DPH6: variants seen among roughly 807,000 people sequenced by gnomAD.
DPH6 encodes the protein diphthamine biosynthesis 6.
A neutral mutation model predicts 38.2 loss-of-function variants in DPH6; 33 were observed. The ratio of observed to expected loss-of-function variants is 0.86; its 90% confidence interval spans 0.65 to 1.15. The LOEUF (loss-of-function observed/expected upper bound fraction) is 1.15. DPH6 is among the 50% of genes most tolerant of loss of function. DPH6 has a pLI of 0.00. For synonymous variants in DPH6, 108 were observed against 103.0 expected (o/e 1.05, Z -0.30); for missense variants, 325 against 320.0 (o/e 1.02, Z -0.12).
At chr15:35,397,124 T>G (rs2053144217) in intron 6 of DPH6, among the ~76,000 whole-genome samples, 1 of 152,206 alleles carries the variant, frequency 6.6e-6, no homozygotes, top group Non-Finnish European at 1.5e-5. Flanking sequence ...TAAAAATGAA[T>G]ACATGCCCTA....
At chr15:35,361,577 A>T (rs2052615087) in intron 3 of DPH6, among the ~76,000 whole-genome samples, 1 of 150,016 alleles carries the variant, frequency 6.7e-6, no homozygotes, top group South Asian at 2.1e-4. Context: ...CTGCTTGATC[A>T]TGTCCCATAA....
the DPH6 span, among the ~76,000 whole-genome samples, chr15:35,212,288 T>C: frequency 6.6e-6 from 1 of 152,162 alleles, no homozygotes; most frequent in Non-Finnish European, 1.5e-5. Flanking sequence ...TGGAAGAGTT[T>C]AGAATGAAAA....
chr15:35,247,585 T>C (rs544434864), intron 3 of DPH6, among the ~76,000 whole-genome samples: 1 of 152,304 alleles, frequency 6.6e-6, no homozygotes, highest in Admixed American at 6.5e-5. Context: ...ACTTCAAGAC[T>C]AGAGAAGACC....
intron 3 of DPH6, among the ~76,000 whole-genome samples, chr15:35,307,395 A>G (rs1281928955): frequency 6.6e-6 from 1 of 152,208 alleles, no homozygotes; most frequent in Non-Finnish European, 1.5e-5. Flanking sequence ...GAATGCTATA[A>G]AAGCAAAACA....
At position 35,496,555 on chromosome 15, in the gene DPH6, C is replaced by CAAAAAAAA. The variant is rs1180094812; in HGVS notation, c.312+41711_312+41718dup. 9.3e-4 allele frequency among the ~76,000 whole-genome samples: 46 copies of CAAAAAAAA among 49,254 alleles called. No individual in the cohort carries two copies. In the East Asian group the frequency reaches 0.012, roughly 13 times the overall value. 32.3% of individuals were successfully genotyped at this position (49,254 alleles called of 152,430 possible). Reference sequence around the variant, plus strand: ...AGGCAACAAGACGAAAGTTCCATCTCAAAAAAAAAAAAATATATATATATA... The same window carrying CAAAAAAAA: ...AGGCAACAAGACGAAAGTTCCATCTCAAAAAAAAAAAAAAAAAAAAATATATATATATA... On this transcript the variant is annotated intron_variant, in intron 3 of 8. Transcript: ENST00000256538.
chr15:35,273,950 C>G (rs957709178), intron 3 of DPH6, among the ~76,000 whole-genome samples: 1 of 152,198 alleles, frequency 6.6e-6, no homozygotes, highest in African/African-American at 2.4e-5. Flanking sequence ...ATAGCCAAGA[C>G]AATCCTAAGC....
intron 3 of DPH6, among the ~76,000 whole-genome samples, chr15:35,364,328 C>A (rs11630364): frequency 6.6e-6 from 1 of 151,912 alleles, no homozygotes; most frequent in African/African-American, 2.4e-5. Flanking sequence ...ACCTATCATT[C>A]GCCATCAATC....
At chr15:35,203,819 G>A in the DPH6 span, among the ~76,000 whole-genome samples, 1 of 151,468 alleles carries the variant, frequency 6.6e-6, no homozygotes, top group Non-Finnish European at 1.5e-5. Context: ...TGCAATCTAG[G>A]GCATAGCATT....
chr15:35,157,436 T>C, the DPH6 span, among the ~76,000 whole-genome samples: 8 of 152,140 alleles, frequency 5.3e-5, no homozygotes, highest in Admixed American at 3.3e-4. Flanking sequence ...GGGGGTATTA[T>C]AGATTTTATT....
At position 35,323,865 on chromosome 15, in the gene DPH6, C is replaced by T. The variant is rs537673091; in HGVS notation, n.200+49656G>A. Among the ~76,000 whole-genome samples the T allele has an allele frequency of 2.6e-5, 4 of 152,234 alleles. No individual in the cohort carries two copies. The East Asian group carries it at 5.8e-4, about 22-fold the overall frequency. On this transcript the variant is annotated intron_variant and non_coding_transcript_variant, in intron 3 of 3. Transcript: ENST00000560386. ...TTTTATAACATATGACAAATTTCTA[C>T]ACTTAAATTTCTCATTTAAAATTTC... is the stretch of plus-strand genomic sequence containing the variant.
chr15:35,202,553 C>A, the DPH6 span, among the ~76,000 whole-genome samples: 200 of 151,872 alleles, frequency 1.3e-3, 1 homozygote, highest in African/African-American at 4.6e-3. Flanking sequence ...GCCTATTACA[C>A]CTGTAACATT....
intron 3 of DPH6, among the ~76,000 whole-genome samples, chr15:35,337,304 A>AT (rs1254786545): frequency 1.3e-5 from 2 of 152,194 alleles, no homozygotes; most frequent in East Asian, 3.9e-4. Context: ...CCCCTTTATC[A>AT]TTTTTTATTG....
chr15:35,231,274 CT>C (rs920291951), intron 3 of DPH6, among the ~76,000 whole-genome samples: 1 of 152,188 alleles, frequency 6.6e-6, no homozygotes, highest in Non-Finnish European at 1.5e-5. Flanking sequence ...TCTGGTTTTG[CT>C]TTTTGCTATA....
At chr15:35,497,833 CAA>C (rs1359232475) in intron 3 of DPH6, among the ~76,000 whole-genome samples, 4 of 152,140 alleles carry the variant, frequency 2.6e-5, no homozygotes, top group Non-Finnish European at 5.9e-5. Context: ...ACTTAAAAGA[CAA>C]TATTCTACTA....
the DPH6 span, among the ~76,000 whole-genome samples, chr15:35,150,057 G>T: frequency 6.6e-6 from 1 of 152,326 alleles, no homozygotes; most frequent in East Asian, 1.9e-4. Flanking sequence ...CTTTCTCTGA[G>T]GAGAATGAGG....
At position 35,371,523 on chromosome 15, in the gene DPH6, A is replaced by G. The variant is rs1423034680; in HGVS notation, c.*627T>C. ...GCTGTGAACCTAAAACTGTTCTAAA[A>G]CATAAAGTCTATTTTTTGTAAAAGT... is the stretch of plus-strand genomic sequence containing the variant. On this transcript the variant is annotated 3_prime_UTR_variant, in exon 9 of 9. Coordinates refer to ENST00000256538, the MANE Select transcript of DPH6 (RefSeq NM_080650.4). 1 of 942,750 alleles carries G rather than the reference A, an allele frequency of 1.1e-6. No individual in the cohort carries two copies. The highest frequency in any genetic ancestry group is 1.3e-6 in the Non-Finnish European group (1 of 791,390). 58.4% of individuals were successfully genotyped at this position (942,750 alleles called of 1,614,324 possible).
intron 3 of DPH6, among the ~76,000 whole-genome samples, chr15:35,353,605 T>C (rs997774538): frequency 3.9e-5 from 6 of 152,220 alleles, no homozygotes; most frequent in African/African-American, 1.4e-4. Context: ...TGTGGCGTTA[T>C]TTCTGAGGGA....
intron 3 of DPH6, among the ~76,000 whole-genome samples, chr15:35,242,614 C>A (rs2140402409): frequency 7.0e-6 from 1 of 143,152 alleles, no homozygotes; most frequent in South Asian, 2.5e-4. Context: ...TATTCAGTGA[C>A]AGACTAATGG....
chr15:35,384,142 T>C (rs560307095), intron 6 of DPH6, among the ~76,000 whole-genome samples: 91 of 152,228 alleles, frequency 6.0e-4, no homozygotes, highest in Non-Finnish European at 1.1e-3. Flanking sequence ...CGACTCAAAA[T>C]TGGGATTATT....
Sources: gnomAD v4.1 joint callset for allele counts (sites outside exome capture counted in the v4.1 genomes callset) on GRCh38, gnomAD v4.1.1 for gene constraint, MANE v1.5 for transcripts, NCBI Gene and HGNC (gene_info 2026-07-23, HGNC 2026-07-21) for gene names.